The following PCDHA7 variants were observed in gnomAD, a reference collection of about 807,000 sequenced individuals.
PCDHA7 encodes the protein protocadherin alpha-7.
Under a neutral mutation model 57.2 loss-of-function variants are expected in PCDHA7, and 37 were observed. The observed-to-expected ratio is 0.65, with a 90% CI of 0.50 to 0.85. The LOEUF is 0.85. Among genes scored for constraint, PCDHA7 ranks in the 40% least tolerant of loss-of-function variants. PCDHA7 has a pLI of 0.00. For missense variants in PCDHA7, 1,188 were observed against 1,241.8 expected (o/e 0.96, Z 0.65); for synonymous variants, 553 against 558.8 (o/e 0.99, Z 0.15).
intron 1 of PCDHA7, among the ~76,000 whole-genome samples, chr5:140,907,345 G>A (rs568376480): frequency 3.3e-5 from 5 of 152,296 alleles, no homozygotes; most frequent in East Asian, 1.9e-4. Flanking sequence ...GCATGAGCCC[G>A]CTGCTGCACT....
chr5:140,843,136 G>T (rs1554139779), intron 1 of PCDHA7: 3 of 1,596,026 alleles, frequency 1.9e-6, no homozygotes, highest in Non-Finnish European at 2.6e-6. Context: ...GCTACAACGC[G>T]TGGCTTTCGT....
At chr5:140,996,308 A>G (rs997099218) in intron 3 of PCDHA7, among the ~76,000 whole-genome samples, 4 of 152,240 alleles carry the variant, frequency 2.6e-5, no homozygotes, top group African/African-American at 9.6e-5. Flanking sequence ...GTAACAAAGT[A>G]AGGGGGGAGG....
intron 1 of PCDHA7, among the ~76,000 whole-genome samples, chr5:140,904,268 A>G (rs989389819): frequency 1.3e-5 from 2 of 152,004 alleles, no homozygotes; most frequent in African/African-American, 4.8e-5. Context: ...CCACTTATGA[A>G]TGAGAACATG....
chr5:140,849,542 G>T lies in PCDHA7; in HGVS notation c.2355+12804G>T. On this transcript the variant is annotated intron_variant, in intron 1 of 3. Coordinates refer to ENST00000525929, the MANE Select transcript of PCDHA7 (RefSeq NM_018910.3). ...TGGATGTAAATGACAATGCTCCACAGTTGACTATCAAAACGCTCTCGGTTC... is the reference window on the plus strand; with the variant it reads ...TGGATGTAAATGACAATGCTCCACATTTGACTATCAAAACGCTCTCGGTTC... 3.1e-6 allele frequency: 5 copies of T among 1,598,272 alleles called. No homozygotes were observed. The South Asian group carries it at 5.5e-5, about 18-fold the overall frequency.
intron 1 of PCDHA7, among the ~76,000 whole-genome samples, chr5:140,964,516 C>G (rs1410737676): frequency 6.6e-6 from 1 of 152,006 alleles, no homozygotes; most frequent in African/African-American, 2.4e-5. Flanking sequence ...ACCCAGTGGC[C>G]AGGTCTCTGA....
At chr5:140,894,652 A>G (rs578187402) in intron 1 of PCDHA7, among the ~76,000 whole-genome samples, 234 of 151,944 alleles carry the variant, frequency 1.5e-3, no homozygotes, top group African/African-American at 4.9e-3. Flanking sequence ...GAGTCTCTCT[A>G]ATTCTGATTT....
chr5:140,871,919 A>G (rs1434717967), intron 1 of PCDHA7, among the ~76,000 whole-genome samples: 1 of 152,216 alleles, frequency 6.6e-6, no homozygotes, highest in African/African-American at 2.4e-5. Context: ...TGATATTTCC[A>G]CATTGTTAGA....
intron 1 of PCDHA7, chr5:140,861,112 C>T (rs1554154163): frequency 2.0e-5 from 3 of 152,522 alleles, no homozygotes; most frequent in Admixed American, 6.5e-5. Flanking sequence ...TTAAAAACTA[C>T]AAACACCCAT....
chr5:140,871,760 G>C lies in PCDHA7; in HGVS notation c.2355+35022G>C, dbSNP rs191249350. Among the ~76,000 whole-genome samples the C allele has an allele frequency of 5.4e-3, 815 of 152,314 alleles. 3 individuals are homozygous for C. Among genetic ancestry groups the C allele is most frequent in the Middle Eastern group, 0.014 (4 of 294 alleles). The stretch of plus-strand genomic sequence containing the variant: ...AAATCCTAAAAGAAATGAGATGCAA[G>C]AGTGACTCTTCTGTAGTCACTTGAG... On this transcript the variant is annotated intron_variant, in intron 1 of 3. Coordinates refer to ENST00000525929, the MANE Select transcript of PCDHA7 (RefSeq NM_018910.3).
At chr5:140,856,776 G>A in intron 1 of PCDHA7, 1 of 1,596,678 alleles carries the variant, frequency 6.3e-7, no homozygotes, top group Non-Finnish European at 8.6e-7. Context: ...ATCTTTGACA[G>A]ACCGGTTTAT....
intron 3 of PCDHA7, among the ~76,000 whole-genome samples, chr5:140,993,462 T>TCTCA (rs1235362335): frequency 6.4e-5 from 9 of 140,938 alleles, no homozygotes; most frequent in African/African-American, 2.1e-4. Context: ...TCTTTCTTTC[T>TCTCA]CACACACACA....
At chr5:140,993,472 A>T (rs1164535164) in intron 3 of PCDHA7, among the ~76,000 whole-genome samples, 1 of 134,248 alleles carries the variant, frequency 7.4e-6, no homozygotes, top group Non-Finnish European at 1.5e-5. Flanking sequence ...TCACACACAC[A>T]CACACACACA....
At chr5:140,943,927 A>G (rs1407165466) in intron 1 of PCDHA7, among the ~76,000 whole-genome samples, 2 of 152,236 alleles carry the variant, frequency 1.3e-5, no homozygotes, top group East Asian at 1.9e-4. Flanking sequence ...GAGCAGCTTT[A>G]GAAGTGTGGT....
At position 140,850,386 on chromosome 5, in the gene PCDHA7, A is replaced by G. The variant is rs2041574061; in HGVS notation, c.2355+13648A>G. ...CCGCGTGGGGCTGTACACGGGCGAGATCAGCACAACGCGTGCCCTGGACGA... is the reference window on the plus strand; with the variant it reads ...CCGCGTGGGGCTGTACACGGGCGAGGTCAGCACAACGCGTGCCCTGGACGA... On this transcript the variant is annotated intron_variant, in intron 1 of 3. Coordinates refer to ENST00000525929, the MANE Select transcript of PCDHA7 (RefSeq NM_018910.3). 1.3e-6 allele frequency: 2 copies of G among 1,597,858 alleles called. 1 individual carries two copies. Among genetic ancestry groups the G allele is most frequent in the South Asian group, 2.2e-5 (2 of 90,510 alleles).
intron 1 of PCDHA7, chr5:140,877,000 G>C: frequency 6.2e-7 from 1 of 1,612,598 alleles, no homozygotes; most frequent in Non-Finnish European, 8.5e-7. Flanking sequence ...CTACGTGTCG[G>C]TGCACGCGGA....
In PCDHA7 at chr5:140,997,052, G is replaced by A. The variant is rs1410360967; in HGVS notation, c.2504-12575G>A. On this transcript the variant is annotated intron_variant, in intron 3 of 3. Transcript: ENST00000525929. ...AAATTAATGAACTTTACTTTTTAGAGCAGTTTTAGGTTCACAGGAAAGTTG... is the reference window on the plus strand; with the variant it reads ...AAATTAATGAACTTTACTTTTTAGAACAGTTTTAGGTTCACAGGAAAGTTG... Among the ~76,000 whole-genome samples, 5 of 152,148 alleles carry A rather than the reference G, an allele frequency of 3.3e-5. No homozygotes were observed. The East Asian group carries it at 9.6e-4, about 29-fold the overall frequency.
At chr5:140,871,653 C>A in intron 1 of PCDHA7, 1 of 1,244,246 alleles carries the variant, frequency 8.0e-7, no homozygotes, top group Non-Finnish European at 1.1e-6. Context: ...CCAAATGATA[C>A]ACATCTTCAG....
chr5:141,010,398 G>C lies in PCDHA7; in HGVS notation c.*461G>C. The C allele has an allele frequency of 7.6e-7, 1 of 1,323,994 alleles. No individual in the cohort carries two copies. Among genetic ancestry groups the C allele is most frequent in the South Asian group, 1.5e-5 (1 of 66,476 alleles). 82.0% of individuals were successfully genotyped at this position (1,323,994 alleles called of 1,614,324 possible). A position where few individuals can be genotyped will look rare whatever the true frequency, so the allele number is the denominator to read the frequency against. ...GCCAGATATTGGCTGAGACGAGCCA[G>C]CTTAGACTAATTGGTACAAGGAAGG... On this transcript the variant is annotated 3_prime_UTR_variant, in exon 4 of 4. Transcript: ENST00000525929.
rs373307820 is a variant in PCDHA7 at position 140,857,638 on chromosome 5, A to G, written c.2355+20900A>G. The G allele has an allele frequency of 1.1e-4, 174 of 1,596,206 alleles. 22 individuals are homozygous for G. The highest frequency in any genetic ancestry group is 1.4e-4 in the Non-Finnish European group (161 of 1,167,602). ...TGGACCACGAGGAGCTGGAGCTGCT[A>G]CAGTTCCAGGTGAGCGCGCGCGATG... is the stretch of plus-strand genomic sequence containing the variant. On this transcript the variant is annotated intron_variant, in intron 1 of 3. Transcript: ENST00000525929.
Sources: allele counts gnomAD v4.1 joint callset (sites outside exome capture counted in the v4.1 genomes callset), GRCh38; gene constraint gnomAD v4.1.1; transcripts MANE v1.5; gene names NCBI Gene and HGNC (gene_info 2026-07-23, HGNC 2026-07-21).